Variants in ALDH1A2 observed in about 807,000 individuals in gnomAD.
The protein encoded by ALDH1A2 is retinal dehydrogenase 2.
Under a neutral mutation model 60.3 loss-of-function variants are expected in ALDH1A2, and 27 were observed. The ratio of observed to expected loss-of-function variants is 0.45; its 90% CI spans 0.33 to 0.62. The LOEUF is 0.62. ALDH1A2 is among the 20% of genes least tolerant of loss of function. The pLI is 0.02. For synonymous variants in ALDH1A2, 289 were observed against 232.4 expected, an observed-to-expected ratio of 1.24 and a Z score of -2.21; for missense variants, 581 against 643.8, an observed-to-expected ratio of 0.90 and a Z score of 1.06.
At chr15:58,041,247 G>A (rs1192219521) in intron 1 of ALDH1A2, among the ~76,000 whole-genome samples, 1 of 151,784 alleles carries the variant, frequency 6.6e-6, no homozygotes, top group East Asian at 1.9e-4. Flanking sequence ...AAAACATATA[G>A]AGAAAAAATA....
At chr15:57,955,780 G>A (rs886202077) in intron 12 of ALDH1A2, among the ~76,000 whole-genome samples, 5 of 152,176 alleles carry the variant, frequency 3.3e-5, no homozygotes, top group Admixed American at 6.5e-5. Context: ...GGAGTGGGTT[G>A]CATGTCTAAG....
intron 7 of ALDH1A2, among the ~76,000 whole-genome samples, chr15:57,967,705 A>ATGAC (rs1394309938): frequency 6.6e-6 from 1 of 152,226 alleles, no homozygotes; most frequent in African/African-American, 2.4e-5. Flanking sequence ...TGCTGAAAAC[A>ATGAC]TGACTTACCA....
chr15:58,020,755 T>C (rs1895904701), intron 1 of ALDH1A2, among the ~76,000 whole-genome samples: 1 of 152,208 alleles, frequency 6.6e-6, no homozygotes. Flanking sequence ...GGTTTCTGTG[T>C]TTATTGTATC....
chr15:57,961,388 T>C, intron 10 of ALDH1A2, 94 bp from the exon 11 acceptor site: 1 of 1,440,508 alleles, frequency 6.9e-7, no homozygotes, highest in Non-Finnish European at 9.6e-7. Context: ...CTTGATTACT[T>C]AAATGACCTT....
intron 1 of ALDH1A2, among the ~76,000 whole-genome samples, chr15:58,049,192 C>T (rs1262228009): frequency 4.6e-5 from 7 of 152,022 alleles, no homozygotes; most frequent in African/African-American, 1.7e-4. Context: ...TAGGAATATA[C>T]CAAATCTTCT....
chr15:58,044,228 T>G (rs35246600), intron 1 of ALDH1A2, among the ~76,000 whole-genome samples: 3 of 151,720 alleles, frequency 2.0e-5, no homozygotes, highest in Admixed American at 2.0e-4. Flanking sequence ...CCATGGTGGT[T>G]TGCTGCACCT....
At chr15:58,024,758 C>A (rs1302015711) in intron 1 of ALDH1A2, among the ~76,000 whole-genome samples, 1 of 152,140 alleles carries the variant, frequency 6.6e-6, no homozygotes, top group African/African-American at 2.4e-5. Flanking sequence ...TTCATCAGCA[C>A]ATGCAATATT....
At chr15:57,973,883 A>T (rs1171740816) in intron 7 of ALDH1A2, among the ~76,000 whole-genome samples, 1 of 152,240 alleles carries the variant, frequency 6.6e-6, no homozygotes, top group Non-Finnish European at 1.5e-5. Flanking sequence ...TAGGCTACTT[A>T]ATATTTTAAC....
chr15:58,061,206 A>T lies in ALDH1A2; in HGVS notation c.117+4328T>A, dbSNP rs114246834. The stretch of plus-strand genomic sequence containing the variant: ...TTATCTAATTCAAGTCCTGTGATGA[A>T]ATTGTCCAGCTTCCCTGTGTTAAAT... On this transcript the variant is annotated intron_variant, in intron 1 of 12. Coordinates refer to ENST00000249750, the MANE Select transcript of ALDH1A2 (RefSeq NM_003888.4). 6.0e-3 allele frequency among the ~76,000 whole-genome samples: 917 copies of T among 152,280 alleles called. 11 individuals carry two copies. The highest frequency in any genetic ancestry group is 0.021 in the African/African-American group (872 of 41,544).
Position 58,014,009 on chromosome 15 carries a change from GGAAGAGGCACAACT to G in ALDH1A2, c.223-25_223-12del. The G allele has an allele frequency of 6.2e-7, 1 of 1,614,050 alleles. No homozygotes were observed. Among genetic ancestry groups the G allele is most frequent in the East Asian group, 2.2e-5 (1 of 44,868 alleles). On this transcript the variant is annotated splice_polypyrimidine_tract_variant and intron_variant, in intron 2 of 12. Transcript: ENST00000249750. ...TTTGTCTATATCTGCCTGTTAGAGA[GGAAGAGGCACAACT>G]GAAGAAAAACACTCCAAATAAAGGA...
chr15:58,011,310 T>C (rs1895626782), intron 3 of ALDH1A2, among the ~76,000 whole-genome samples: 1 of 152,202 alleles, frequency 6.6e-6, no homozygotes, highest in Non-Finnish European at 1.5e-5. Context: ...GCCCAGATGT[T>C]AACAACTTAA....
chr15:58,055,604 T>C (rs1303101357), intron 1 of ALDH1A2, among the ~76,000 whole-genome samples: 1 of 152,052 alleles, frequency 6.6e-6, no homozygotes, highest in Non-Finnish European at 1.5e-5. Flanking sequence ...TTGTCAGGTG[T>C]TATATGTAAG....
At chr15:58,024,316 C>A (rs1339234727) in intron 1 of ALDH1A2, among the ~76,000 whole-genome samples, 1 of 151,918 alleles carries the variant, frequency 6.6e-6, no homozygotes, top group Non-Finnish European at 1.5e-5. Flanking sequence ...CAATTTTATA[C>A]TGCCTAGAAG....
chr15:57,961,038 C>T, intron 11 of ALDH1A2, 99 bp downstream of exon 11: 1 of 1,528,926 alleles, frequency 6.5e-7, no homozygotes, highest in Non-Finnish European at 9.0e-7. Flanking sequence ...ACTTTGGTTG[C>T]TTTTGGTATT....
chr15:58,063,751 C>G (rs1222755891), intron 1 of ALDH1A2, among the ~76,000 whole-genome samples: 1 of 152,098 alleles, frequency 6.6e-6, no homozygotes, highest in Non-Finnish European at 1.5e-5. Flanking sequence ...GGTACCTCCT[C>G]CCCACAAATT....
Position 57,992,691 on chromosome 15 carries a change from T to G in ALDH1A2, c.798+14A>C, listed in dbSNP as rs748926253. Reference sequence around the variant, plus strand: ...CAAGACTGTTCCTCAAGCCCTGGTTTTTCAGATACCTACCTCAGTAGACCC... The same window carrying G: ...CAAGACTGTTCCTCAAGCCCTGGTTGTTCAGATACCTACCTCAGTAGACCC... On this transcript the variant is annotated intron_variant, in intron 7 of 12. Coordinates refer to ENST00000249750, the MANE Select transcript of ALDH1A2 (RefSeq NM_003888.4). 4.3e-6 allele frequency: 7 copies of G among 1,612,038 alleles called. No homozygotes were observed. The highest frequency in any genetic ancestry group is 5.9e-6 in the Non-Finnish European group (7 of 1,178,228).
intron 1 of ALDH1A2, among the ~76,000 whole-genome samples, chr15:58,048,592 G>T (rs1379820993): frequency 1.3e-5 from 2 of 152,024 alleles, no homozygotes; most frequent in Admixed American, 1.3e-4. Context: ...GATATTCAGT[G>T]TTATTTTGGG....
At chr15:57,999,673 G>A (rs545593267) in intron 4 of ALDH1A2, among the ~76,000 whole-genome samples, 1 of 151,928 alleles carries the variant, frequency 6.6e-6, no homozygotes, top group East Asian at 1.9e-4. Context: ...CAAAGACCGA[G>A]AACCAGAAAT....
rs537006503 is a variant in ALDH1A2 at position 58,037,039 on chromosome 15, G to T, written c.118-22758C>A. Reference sequence around the variant, plus strand: ...TTTAAGAAGTGTAACAAAGAAGAAAGAAATGGACATTTAGCTTTTCTCCCC... The same window carrying T: ...TTTAAGAAGTGTAACAAAGAAGAAATAAATGGACATTTAGCTTTTCTCCCC... On this transcript the variant is annotated intron_variant, in intron 1 of 12. Transcript: ENST00000249750. Among the ~76,000 whole-genome samples the T allele has an allele frequency of 2.0e-4, 30 of 151,718 alleles. No homozygotes were observed. In the South Asian group the frequency reaches 4.6e-3, roughly 23 times the overall value.
Sources: gnomAD v4.1 joint callset for allele counts (sites outside exome capture counted in the v4.1 genomes callset) on GRCh38, gnomAD v4.1.1 for gene constraint, MANE v1.5 for transcripts, NCBI Gene and HGNC (gene_info 2026-07-23, HGNC 2026-07-21) for gene names.